Variants in RBBP7 observed in about 807,000 individuals in gnomAD.
RBBP7 encodes the protein histone-binding protein RBBP7.
In RBBP7, 5 loss-of-function variants were observed where a neutral mutation model predicts 35.2. That is an observed-to-expected ratio of 0.14 (90% CI 0.07 to 0.30). The LOEUF is 0.30. Among genes scored for constraint, RBBP7 ranks in the 10% least tolerant of loss-of-function variants. RBBP7 has a pLI of 1.00. For missense variants in RBBP7, 155 were observed against 327.5 expected, an observed-to-expected ratio of 0.47 and a Z score of 4.07; for synonymous variants, 140 against 118.7, an observed-to-expected ratio of 1.18 and a Z score of -1.17.
chrX:16,847,365 G>A (rs1316525964), intron 10 of RBBP7: 2 of 106,852 alleles, frequency 1.9e-5, no homozygotes, highest in African/African-American at 3.4e-5. Context: ...CAGCTACTCG[G>A]GAGGCTGAGG....
intron 1 of RBBP7, chrX:16,869,765 G>A: frequency 3.1e-6 from 3 of 958,159 alleles, no homozygotes; most frequent in East Asian, 4.4e-5. Flanking sequence ...CCGCCCCGGG[G>A]CCGAGGGCGC....
chrX:16,851,158 A>G (rs1164693123), intron 9 of RBBP7, among the ~76,000 whole-genome samples: 3 of 109,941 alleles, frequency 2.7e-5, no homozygotes, highest in Admixed American at 9.7e-5. Context: ...GAAAAGAAAA[A>G]GAAGAAGAAT....
chrX:16,853,722 A>G lies in RBBP7; in HGVS notation c.718T>C (p.Ser240Pro). The change falls in exon 6 of 12, where the codon TCA becomes CCA. Residue 240 changes from serine to proline, a missense_variant. Ser to Pro is a moderately conservative substitution (Grantham distance 74). This residue lies in a region of RBBP7 where 79 missense variants were observed against 220.8 expected (regional missense o/e 0.36). Transcript: ENST00000380087. Reference sequence around the variant, plus strand: ...TCATCAGCAACAGATCCAAACAATGACTCGTGCAGCAGGTGCCAGGCCACA... The same window carrying G: ...TCATCAGCAACAGATCCAAACAATGGCTCGTGCAGCAGGTGCCAGGCCACA... ...EDVAWHLLHE[S>P]LFGSVADDQK... 8.5e-7 allele frequency: 1 copy of G among 1,173,933 alleles called. No individual in the cohort carries two copies.
chrX:16,867,317 C>T (rs1379339404), intron 2 of RBBP7, among the ~76,000 whole-genome samples: 5 of 112,229 alleles, frequency 4.5e-5, no homozygotes, highest in Non-Finnish European at 7.5e-5. Context: ...AAAGCCCCTG[C>T]TGTTTTCTAT....
At chrX:16,869,674 G>A (rs1465609047) in intron 1 of RBBP7, 2 of 1,072,284 alleles carry the variant, frequency 1.9e-6, no homozygotes, top group Admixed American at 3.5e-5. Flanking sequence ...CCCGGACAAG[G>A]GCCGCGACCC....
intron 6 of RBBP7, 57 bp from the exon 7 acceptor site, chrX:16,852,932 C>A: frequency 1.7e-6 from 2 of 1,204,908 alleles, no homozygotes. Context: ...CACATTCGGC[C>A]TCACATCACT....
At chrX:16,857,963 G>A (rs540411241) in intron 4 of RBBP7, among the ~76,000 whole-genome samples, 9 of 111,135 alleles carry the variant, frequency 8.1e-5, no homozygotes, top group South Asian at 3.8e-4. Context: ...CCGTATCCCC[G>A]CAACCCCCCA....
In RBBP7 at chrX:16,849,259, C is replaced by G; in HGVS notation, c.1083G>C (p.Gly361=). ...EEQSAEDAED[G]PPELLFIHGG... ...CAATGCGTACCAGGAGTTCTGGAGG[C>G]CCATCTTCTGCATCTTCTGCTGATT... The change falls in exon 10 of 12, where the codon GGG becomes GGC. Residue 361 remains glycine (G), a synonymous_variant. Coordinates refer to ENST00000380087, the MANE Select transcript of RBBP7 (RefSeq NM_002893.4). 1 of 1,210,344 alleles carries G rather than the reference C, an allele frequency of 8.3e-7. No individual in the cohort carries two copies. Among genetic ancestry groups the G allele is most frequent in the Non-Finnish European group, 1.1e-6 (1 of 894,627 alleles).
Position 16,852,430 on chromosome X carries a change from C to T in RBBP7, c.963+121G>A, listed in dbSNP as rs200712902. ...GTGTACCTTACCCTATGAGCATCTC[C>T]ATGTAACACCACGTACAAGACATTT... On this transcript the variant is annotated intron_variant, in intron 8 of 11. Coordinates refer to ENST00000380087, the MANE Select transcript of RBBP7 (RefSeq NM_002893.4). The T allele has an allele frequency of 5.0e-3, 3,771 of 761,163 alleles. 16 individuals are homozygous for T. Among genetic ancestry groups the T allele is most frequent in the Non-Finnish European group, 6.8e-3 (3,343 of 488,164 alleles). The allele number at this position is 761,163 out of a possible 1,213,427, so 62.7% of individuals were successfully genotyped here. A position where few individuals can be genotyped will look rare whatever the true frequency, so the allele number is the denominator to read the frequency against.
At chrX:16,850,312 T>C (rs951588199) in intron 9 of RBBP7, among the ~76,000 whole-genome samples, 10 of 112,922 alleles carry the variant, frequency 8.9e-5, no homozygotes, top group Admixed American at 2.8e-4. Flanking sequence ...ACTGGGATTA[T>C]AGACATGAGC....
intron 8 of RBBP7, 134 bp downstream of exon 8, chrX:16,852,417 C>G (rs964636800): frequency 1.3e-5 from 9 of 700,573 alleles, no homozygotes; most frequent in Non-Finnish European, 2.1e-5. Flanking sequence ...GTACCTTACC[C>G]TATGAGCATC....
chrX:16,859,293 C>CT (rs781779438), intron 3 of RBBP7, among the ~76,000 whole-genome samples: 3 of 112,155 alleles, frequency 2.7e-5, no homozygotes, highest in African/African-American at 6.5e-5. Flanking sequence ...TATGAACACC[C>CT]TTTGAGTCTG....
At chrX:16,850,398 C>T (rs1054731537) in intron 9 of RBBP7, among the ~76,000 whole-genome samples, 1 of 112,854 alleles carries the variant, frequency 8.9e-6, no homozygotes, top group Non-Finnish European at 1.9e-5. Flanking sequence ...AGAAATTACA[C>T]ACAATGCTCA....
chrX:16,844,847 T>C lies in RBBP7; in HGVS notation c.*188A>G, dbSNP rs1450615887. 2.9e-6 allele frequency: 1 copy of C among 341,845 alleles called. No homozygotes were observed. The highest frequency in any genetic ancestry group is 5.1e-6 in the Non-Finnish European group (1 of 195,652). 28.2% of individuals were successfully genotyped at this position (341,845 alleles called of 1,213,427 possible). ...GATGTTCTTTCTTAAGCAACATTCT[T>C]CTCTTCCCTAATAGCTACAATATGA... On this transcript the variant is annotated 3_prime_UTR_variant, in exon 12 of 12. Coordinates refer to ENST00000380087, the MANE Select transcript of RBBP7 (RefSeq NM_002893.4).
chrX:16,870,097 C>G lies in RBBP7; in HGVS notation c.-44G>C. On this transcript the variant is annotated 5_prime_UTR_variant, in exon 1 of 12. Transcript: ENST00000380087. ...CCCCTCGCCGCCGCCTCGGACTCCT[C>G]TCGTTAGCCAAGAGCAGCCCGACCG... 9.3e-7 allele frequency: 1 copy of G among 1,072,780 alleles called. No individual in the cohort carries two copies. Among genetic ancestry groups the G allele is most frequent in the South Asian group, 2.4e-5 (1 of 42,252 alleles). The allele number at this position is 1,072,780 out of a possible 1,213,427, so 88.4% of individuals were successfully genotyped here.
chrX:16,853,484 TAG>T (rs1930262736), intron 6 of RBBP7, 196 bp downstream of exon 6: 1 of 329,479 alleles, frequency 3.0e-6, no homozygotes, highest in Non-Finnish European at 5.1e-6. Flanking sequence ...AAATTTTGTG[TAG>T]AGTCTCACAC....
At chrX:16,862,832 G>T in intron 3 of RBBP7, 123 bp downstream of exon 3, 1 of 796,337 alleles carries the variant, frequency 1.3e-6, no homozygotes, top group Non-Finnish European at 1.8e-6. Context: ...GGGAAGTTCT[G>T]TAGAATAAAG....
At chrX:16,865,256 T>C (rs1930586752) in intron 2 of RBBP7, among the ~76,000 whole-genome samples, 1 of 109,743 alleles carries the variant, frequency 9.1e-6, no homozygotes, top group African/African-American at 3.3e-5. Flanking sequence ...AAAACAAAAA[T>C]TTAAATAAAT....
At chrX:16,862,537 T>TA (rs779048676) in intron 3 of RBBP7, among the ~76,000 whole-genome samples, 178 of 107,130 alleles carry the variant, frequency 1.7e-3, no homozygotes, top group South Asian at 3.2e-3. Context: ...TTTTTCTCAT[T>TA]AAAAAAAAAA....
Sources: allele counts gnomAD v4.1 joint callset (sites outside exome capture counted in the v4.1 genomes callset), GRCh38; gene constraint gnomAD v4.1.1; regional missense constraint gnomAD v4.1.1; transcripts MANE v1.5; gene names NCBI Gene and HGNC (gene_info 2026-07-23, HGNC 2026-07-21).